ADCY9: variants seen among roughly 807,000 people sequenced by gnomAD.
The protein encoded by ADCY9 is adenylate cyclase type 9.
Under a neutral mutation model 101.5 loss-of-function variants are expected in ADCY9, and 50 were observed. The ratio of observed to expected loss-of-function variants is 0.49; its 90% CI spans 0.39 to 0.62. ADCY9 has a LOEUF of 0.62. Among genes scored for constraint, ADCY9 ranks in the 20% least tolerant of loss-of-function variants. The probability of loss-of-function intolerance (pLI) is 0.00; values close to 1 mark genes in which losing one functional copy is unlikely to be tolerated. For missense variants in ADCY9, 1,662 were observed against 1,800.4 expected, an observed-to-expected ratio of 0.92 and a Z score of 1.39; for synonymous variants, 905 against 769.3, an observed-to-expected ratio of 1.18 and a Z score of -2.92.
rs147134502 is a variant in ADCY9, at chr16:3,965,310, A to T, written c.*465T>A. 4.9e-3 allele frequency: 884 copies of T among 179,696 alleles called. 8 individuals are homozygous for T. Among genetic ancestry groups the T allele is most frequent in the African/African-American group, 0.02 (833 of 42,060 alleles). 11.1% of individuals were successfully genotyped at this position (179,696 alleles called of 1,614,324 possible). ...TGCTTACATAGAGAGGTCGGGTCGT[A>T]GAGGAACACTGTGACATAGACAGAA... On this transcript the variant is annotated 3_prime_UTR_variant, in exon 11 of 11. Coordinates refer to ENST00000294016, the MANE Select transcript of ADCY9 (RefSeq NM_001116.4).
chr16:3,983,647 G>C (rs2056165543), intron 6 of ADCY9: 3 of 583,780 alleles, frequency 5.1e-6, no homozygotes, highest in Non-Finnish European at 9.1e-6. Flanking sequence ...TTGCCCAGGG[G>C]GCTGGGCACG....
chr16:3,965,752 T>A lies in ADCY9; in HGVS notation c.*23A>T, dbSNP rs1381725191. 6.3e-7 allele frequency: 1 copy of A among 1,591,168 alleles called. No homozygotes were observed. Among genetic ancestry groups the A allele is most frequent in the Non-Finnish European group, 8.6e-7 (1 of 1,167,056 alleles). On this transcript the variant is annotated 3_prime_UTR_variant, in exon 11 of 11. Transcript: ENST00000294016. ...ACTGTGTTTCGACAAACAGAGCACCTCGGGCAGCGGGTGGGCGCCGCCTCA... is the reference window on the plus strand; with the variant it reads ...ACTGTGTTTCGACAAACAGAGCACCACGGGCAGCGGGTGGGCGCCGCCTCA...
intron 2 of ADCY9, among the ~76,000 whole-genome samples, chr16:4,096,200 G>A (rs886300955): frequency 2.6e-5 from 4 of 152,120 alleles, no homozygotes; most frequent in African/African-American, 9.7e-5. Context: ...TGCTAAATGT[G>A]TCTAAATGAG....
intron 2 of ADCY9, among the ~76,000 whole-genome samples, chr16:4,109,702 C>T (rs1410550187): frequency 6.6e-6 from 1 of 152,214 alleles, no homozygotes; most frequent in African/African-American, 2.4e-5. Context: ...CCTAATGCCA[C>T]TCAGATCCCA....
intron 2 of ADCY9, among the ~76,000 whole-genome samples, chr16:4,046,434 C>T (rs1036016658): frequency 6.6e-6 from 1 of 152,290 alleles, no homozygotes; most frequent in South Asian, 2.1e-4. Context: ...GGCCAGCACA[C>T]GTTGCTTGTG....
chr16:4,069,904 T>C (rs1051542729), intron 2 of ADCY9, among the ~76,000 whole-genome samples: 2 of 152,172 alleles, frequency 1.3e-5, no homozygotes, highest in Non-Finnish European at 2.9e-5. Flanking sequence ...GAGACCAGTC[T>C]GCCCAAGATG....
intron 2 of ADCY9, among the ~76,000 whole-genome samples, chr16:4,038,657 AG>A (rs1234012868): frequency 2.6e-5 from 4 of 152,122 alleles, no homozygotes; most frequent in Admixed American, 2.0e-4. Flanking sequence ...TTGAGAAAAG[AG>A]GAACAGAGTA....
chr16:4,017,489 C>T (rs946566455), intron 2 of ADCY9, among the ~76,000 whole-genome samples: 9 of 140,664 alleles, frequency 6.4e-5, no homozygotes, highest in Middle Eastern at 3.5e-3. Context: ...ACTGAAAATA[C>T]GAAAATTAGC....
intron 5 of ADCY9, among the ~76,000 whole-genome samples, chr16:3,989,541 G>A (rs1022638532): frequency 6.6e-6 from 1 of 152,162 alleles, no homozygotes; most frequent in Non-Finnish European, 1.5e-5. Flanking sequence ...ACCGCACCCA[G>A]CTAATTTTTG....
At chr16:4,067,437 G>A (rs1457220438) in intron 2 of ADCY9, among the ~76,000 whole-genome samples, 1 of 152,136 alleles carries the variant, frequency 6.6e-6, no homozygotes, top group Non-Finnish European at 1.5e-5. Flanking sequence ...ACATGATCTG[G>A]CAGCATTAGA....
At chr16:4,056,694 C>T (rs886170091) in intron 2 of ADCY9, among the ~76,000 whole-genome samples, 1 of 152,228 alleles carries the variant, frequency 6.6e-6, no homozygotes, top group Non-Finnish European at 1.5e-5. Flanking sequence ...AAATGACTGA[C>T]ACTCTCAAAT....
intron 2 of ADCY9, among the ~76,000 whole-genome samples, chr16:4,072,357 C>A (rs1567137187): frequency 6.6e-6 from 1 of 152,186 alleles, no homozygotes; most frequent in Non-Finnish European, 1.5e-5. Flanking sequence ...CCAGCTTATG[C>A]GCTGTTCCTC....
At chr16:3,959,228 G>GCA (rs892473916), downstream of ADCY9, among the ~76,000 whole-genome samples, 3 of 152,040 alleles carry the variant, frequency 2.0e-5, no homozygotes, top group African/African-American at 7.2e-5. Context: ...GGGCGTAGTG[G>GCA]CACGCACTTG....
chr16:3,981,022 G>A lies in ADCY9; in HGVS notation c.2520-1747C>T, dbSNP rs149933170. Among the ~76,000 whole-genome samples, 145 of 152,340 alleles carry A rather than the reference G, an allele frequency of 9.5e-4. 6 individuals are homozygous for A. In the East Asian group the frequency reaches 0.025, roughly 26 times the overall value. ...TGTACAGGAAAGGGATGGGGTGCCC[G>A]TATACCCCACAGCGCAGGTTCCCGT... On this transcript the variant is annotated intron_variant, in intron 7 of 10. Coordinates refer to ENST00000294016, the MANE Select transcript of ADCY9 (RefSeq NM_001116.4).
At chr16:3,980,864 C>T (rs1418967698) in intron 7 of ADCY9, among the ~76,000 whole-genome samples, 6 of 152,172 alleles carry the variant, frequency 3.9e-5, no homozygotes, top group Non-Finnish European at 5.9e-5. Context: ...CATGCTGGTC[C>T]CTGAGACTGC....
intron 2 of ADCY9, among the ~76,000 whole-genome samples, chr16:4,099,110 T>C (rs965921794): frequency 3.3e-5 from 5 of 152,006 alleles, no homozygotes; most frequent in African/African-American, 1.2e-4. Context: ...TTTTTGTATT[T>C]CCAGTACAGA....
chr16:3,971,339 T>C (rs1393116167), intron 10 of ADCY9, among the ~76,000 whole-genome samples: 2 of 152,172 alleles, frequency 1.3e-5, no homozygotes, highest in Non-Finnish European at 2.9e-5. Flanking sequence ...TTCTGCCTTA[T>C]GTCTTTTCGC....
intron 6 of ADCY9, among the ~76,000 whole-genome samples, chr16:3,984,326 A>AC (rs2056172353): frequency 6.6e-6 from 1 of 152,122 alleles, no homozygotes; most frequent in Non-Finnish European, 1.5e-5. Context: ...TTTAAGTGGC[A>AC]CATCATCGCC....
At chr16:3,991,861 G>A (rs537733978) in intron 5 of ADCY9, among the ~76,000 whole-genome samples, 36 of 150,798 alleles carry the variant, frequency 2.4e-4, no homozygotes, top group African/African-American at 8.5e-4. Context: ...CCCGAGGTCA[G>A]GAGTATGGAG....
Sources: allele counts gnomAD v4.1 joint callset (sites outside exome capture counted in the v4.1 genomes callset), GRCh38; gene constraint gnomAD v4.1.1; transcripts MANE v1.5; gene names NCBI Gene and HGNC (gene_info 2026-07-23, HGNC 2026-07-21).